The following SLC2A12 variants were observed in gnomAD, a reference collection of about 807,000 sequenced individuals.
The protein encoded by SLC2A12 is solute carrier family 2, facilitated glucose transporter member 12.
A neutral mutation model predicts 41.8 loss-of-function variants in SLC2A12; 23 were observed. That is an observed-to-expected ratio of 0.55 (90% CI 0.40 to 0.78). The LOEUF is 0.78. Ranked by LOEUF, SLC2A12 falls within the 30% of genes least tolerant of loss-of-function variation. The pLI is 0.00. For synonymous variants in SLC2A12, 295 were observed against 285.9 expected (o/e 1.03, Z -0.32); for missense variants, 654 against 745.6 (o/e 0.88, Z 1.43).
chr6:134,030,724 G>A (rs1777193009), intron 1 of SLC2A12, among the ~76,000 whole-genome samples: 2 of 152,120 alleles, frequency 1.3e-5, no homozygotes, highest in Admixed American at 1.3e-4. Context: ...ATAACATGTG[G>A]GGCACATTGT....
At position 134,006,802 on chromosome 6, in the gene SLC2A12, G is replaced by A. The variant is rs780922267; in HGVS notation, c.1567+10C>T. On this transcript the variant is annotated intron_variant, in intron 3 of 4. Coordinates refer to ENST00000275230, the MANE Select transcript of SLC2A12 (RefSeq NM_145176.3). ...ACCAAAGACATTAGAGGAAAACAAA[G>A]ACTTCTTACCAGTTACAGTCAAAAA... 2.5e-6 allele frequency: 4 copies of A among 1,613,650 alleles called. No individual in the cohort carries two copies. The African/African-American group carries it at 4.0e-5, about 16-fold the overall frequency.
At position 134,016,647 on chromosome 6, in the gene SLC2A12, G is replaced by A. The variant is rs372093055; in HGVS notation, c.1445-9713C>T. ...ACTGCCCTTTGTCTCTGACCAAGGA[G>A]TCTTGTGTTTTTTGTCAACATCATT... On this transcript the variant is annotated intron_variant, in intron 2 of 4. Transcript: ENST00000275230. Among the ~76,000 whole-genome samples, 4 of 152,098 alleles carry A rather than the reference G, an allele frequency of 2.6e-5. No individual in the cohort carries two copies. The South Asian group carries it at 6.2e-4, about 24-fold the overall frequency.
At chr6:133,993,086 G>A (rs1776644112) in intron 4 of SLC2A12, among the ~76,000 whole-genome samples, 1 of 152,090 alleles carries the variant, frequency 6.6e-6, no homozygotes, top group Non-Finnish European at 1.5e-5. Context: ...CAGCCTCACT[G>A]TTGGCTTCTT....
chr6:134,032,454 A>ATC (rs1391431422), intron 1 of SLC2A12, among the ~76,000 whole-genome samples: 1 of 37,090 alleles, frequency 2.7e-5, no homozygotes, highest in African/African-American at 1.2e-4. Context: ...ATATAAATAT[A>ATC]TATATATATA....
chr6:134,022,521 A>G (rs1777054066), intron 2 of SLC2A12, among the ~76,000 whole-genome samples: 1 of 151,266 alleles, frequency 6.6e-6, no homozygotes, highest in South Asian at 2.1e-4. Flanking sequence ...ACAAGAGTGA[A>G]ACTCCATCTC....
chr6:134,005,219 G>C (rs1425262724), intron 3 of SLC2A12, among the ~76,000 whole-genome samples: 1 of 152,100 alleles, frequency 6.6e-6, no homozygotes, highest in African/African-American at 2.4e-5. Flanking sequence ...GCTGCTGAAT[G>C]GAACACACAA....
At chr6:133,998,263 C>A (rs982662520) in intron 4 of SLC2A12, among the ~76,000 whole-genome samples, 2 of 152,142 alleles carry the variant, frequency 1.3e-5, no homozygotes, top group Non-Finnish European at 2.9e-5. Context: ...TGGAAGCCTA[C>A]TAGAAAGAAA....
chr6:134,025,391 G>T (rs1777100340), intron 2 of SLC2A12, among the ~76,000 whole-genome samples: 1 of 152,150 alleles, frequency 6.6e-6, no homozygotes, highest in Non-Finnish European at 1.5e-5. Flanking sequence ...TGTTTTGAAG[G>T]TAAAATGAAG....
Position 134,013,712 on chromosome 6 carries a change from G to A in SLC2A12, c.1445-6778C>T, listed in dbSNP as rs138851649. On this transcript the variant is annotated intron_variant, in intron 2 of 4. Transcript: ENST00000275230. ...AAGTTATTTGTAATAATATAGTGCT[G>A]ATAACTTGATTAGATTATCCTTTAT... 4.7e-4 allele frequency among the ~76,000 whole-genome samples: 71 copies of A among 152,236 alleles called. No homozygotes were observed. The East Asian group carries it at 0.013, about 28-fold the overall frequency.
chr6:134,035,734 G>A lies in SLC2A12; in HGVS notation c.104-6013C>T, dbSNP rs974585768. Among the ~76,000 whole-genome samples the A allele has an allele frequency of 4.6e-5, 7 of 152,200 alleles. No individual in the cohort carries two copies. The South Asian group carries it at 1.2e-3, about 27-fold the overall frequency. On this transcript the variant is annotated intron_variant, in intron 1 of 4. Coordinates refer to ENST00000275230, the MANE Select transcript of SLC2A12 (RefSeq NM_145176.3). ...TCACACCTTTCTGTCTCCACACTGC[G>A]TTGCTAGAAGTTCAGCAGCAGCAGT...
intron 2 of SLC2A12, among the ~76,000 whole-genome samples, chr6:134,010,950 T>C (rs1776873704): frequency 6.6e-6 from 1 of 152,170 alleles, no homozygotes; most frequent in African/African-American, 2.4e-5. Context: ...GCCTTCAGAT[T>C]TAAATTCTAC....
At chr6:133,998,088 A>G (rs1776716945) in intron 4 of SLC2A12, among the ~76,000 whole-genome samples, 1 of 152,232 alleles carries the variant, frequency 6.6e-6, no homozygotes, top group Admixed American at 6.5e-5. Flanking sequence ...AGTTTGAGTA[A>G]CTGCATGACT....
intron 4 of SLC2A12, among the ~76,000 whole-genome samples, chr6:134,001,571 T>A (rs953126383): frequency 6.6e-6 from 1 of 152,222 alleles, no homozygotes; most frequent in African/African-American, 2.4e-5. Context: ...AAAAAACTTG[T>A]AACCTTGTAC....
At chr6:134,025,609 G>A (rs186177593) in intron 2 of SLC2A12, among the ~76,000 whole-genome samples, 1 of 152,338 alleles carries the variant, frequency 6.6e-6, no homozygotes, top group East Asian at 1.9e-4. Context: ...CTAGGCTGGA[G>A]TGCAATGCTC....
At chr6:134,050,660 G>A (rs189692414) in intron 1 of SLC2A12, among the ~76,000 whole-genome samples, 30 of 152,224 alleles carry the variant, frequency 2.0e-4, no homozygotes, top group Admixed American at 1.4e-3. Context: ...CATCTTCTTT[G>A]TGACATTATC....
chr6:134,002,174 C>T (rs1298734225), intron 3 of SLC2A12, 45 bp from the exon 4 acceptor site: 1 of 1,575,496 alleles, frequency 6.3e-7, no homozygotes, highest in Non-Finnish European at 8.6e-7. Flanking sequence ...TTTTGTGTAG[C>T]TTTGATCCCA....
In SLC2A12 at chr6:133,988,461, A is replaced by G. The variant is rs990078600; in HGVS notation, c.*2694T>C. The G allele has an allele frequency of 9.2e-5, 14 of 152,198 alleles. No individual in the cohort carries two copies. Among genetic ancestry groups the G allele is most frequent in the African/African-American group, 3.4e-4 (14 of 41,462 alleles). 9.4% of individuals were successfully genotyped at this position (152,198 alleles called of 1,614,324 possible). ...TATTCCAACACAATGTTCCACAAAA[A>G]CTTGTATTTCCAAAATGTTTTTAAA... On this transcript the variant is annotated 3_prime_UTR_variant, in exon 5 of 5. Coordinates refer to ENST00000275230, the MANE Select transcript of SLC2A12 (RefSeq NM_145176.3).
chr6:134,040,058 G>GTTTTTTTTTTT (rs11371413), intron 1 of SLC2A12, among the ~76,000 whole-genome samples: 7 of 139,316 alleles, frequency 5.0e-5, no homozygotes, highest in Non-Finnish European at 9.2e-5. Flanking sequence ...GTTGTTTTTT[G>GTTTTTTTTTTT]TTTTTTTTTT....
In SLC2A12 at chr6:134,052,578, A is replaced by T. The variant is rs538081329; in HGVS notation, c.-98T>A. 14 of 890,910 alleles carry T rather than the reference A, an allele frequency of 1.6e-5. No homozygotes were observed. The highest frequency in any genetic ancestry group is 2.5e-5 in the Non-Finnish European group (14 of 566,004). The allele number at this position is 890,910 out of a possible 1,614,324, so 55.2% of individuals were successfully genotyped here. On this transcript the variant is annotated 5_prime_UTR_variant, in exon 1 of 5. Transcript: ENST00000275230. Reference sequence around the variant, plus strand: ...CTTTCCCCATAATAGCATGCTAAAGAAGAGTGTGGGGAAAAACTTCGGGCA... The same window carrying T: ...CTTTCCCCATAATAGCATGCTAAAGTAGAGTGTGGGGAAAAACTTCGGGCA...
Sources: gnomAD v4.1 joint callset for allele counts (sites outside exome capture counted in the v4.1 genomes callset) on GRCh38, gnomAD v4.1.1 for gene constraint, MANE v1.5 for transcripts, NCBI Gene and HGNC (gene_info 2026-07-23, HGNC 2026-07-21) for gene names.